The following TSPAN1 variants were observed in gnomAD, a reference collection of about 807,000 sequenced individuals.
TSPAN1 encodes the protein tetraspanin 1.
In TSPAN1, 23 loss-of-function variants were observed where a neutral mutation model predicts 26.9. The observed-to-expected ratio is 0.85, with a 90% confidence interval of 0.62 to 1.21. The LOEUF is 1.21. TSPAN1 is among the 50% of genes most tolerant of loss of function. The probability of loss-of-function intolerance (pLI) is 0.00; values close to 1 mark genes in which losing one functional copy is unlikely to be tolerated. For missense variants in TSPAN1, 283 were observed against 298.4 expected (o/e 0.95, Z 0.38); for synonymous variants, 115 against 114.8 (o/e 1.00, Z -0.01).
At chr1:46,190,484 G>C, downstream of TSPAN1, 1 of 1,605,296 alleles carries the variant, frequency 6.2e-7, no homozygotes, top group East Asian at 2.2e-5. Context: ...TGAGCAGCCT[G>C]TGAACTTCCA....
the TSPAN1 span, chr1:46,195,918 C>T: frequency 1.1e-5 from 17 of 1,614,034 alleles, no homozygotes; most frequent in South Asian, 6.6e-5. Context: ...TTTGCCATCA[C>T]GTGGCCCTGG....
downstream of TSPAN1, chr1:46,189,413 T>A: frequency 2.5e-6 from 4 of 1,613,764 alleles, no homozygotes; most frequent in Non-Finnish European, 3.4e-6. Context: ...TATCCCTGGA[T>A]CTCACTAGGC....
At chr1:46,194,329 T>C in the TSPAN1 span, 5 of 1,614,052 alleles carry the variant, frequency 3.1e-6, no homozygotes, top group Non-Finnish European at 3.4e-6. Flanking sequence ...TACACTTCCA[T>C]AGCCCTCAAC....
At chr1:46,188,847 C>G (rs1657517279), downstream of TSPAN1, 2 of 1,612,774 alleles carry the variant, frequency 1.2e-6, no homozygotes, top group Middle Eastern at 3.3e-4. Flanking sequence ...TTGGGCACAG[C>G]AGTTTCCTGA....
intron 2 of TSPAN1, 34 bp from the exon 3 acceptor site, chr1:46,181,066 A>C: frequency 6.2e-7 from 1 of 1,606,298 alleles, no homozygotes; most frequent in Non-Finnish European, 8.5e-7. Flanking sequence ...CCCAGGGGAA[A>C]CAAGGCCCTA....
In TSPAN1 at chr1:46,185,638, T is replaced by C; in HGVS notation, c.*105T>C. On this transcript the variant is annotated 3_prime_UTR_variant, in exon 9 of 9. Coordinates refer to ENST00000372003, the MANE Select transcript of TSPAN1 (RefSeq NM_005727.4). ...AGGGGACAGGATCTAACAATGTCACTTGGGCCAGAATGGACCTGCCCTTTC... is the reference window on the plus strand; with the variant it reads ...AGGGGACAGGATCTAACAATGTCACCTGGGCCAGAATGGACCTGCCCTTTC... 12 of 1,356,312 alleles carry C rather than the reference T, an allele frequency of 8.8e-6. No homozygotes were observed. Among genetic ancestry groups the C allele is most frequent in the Non-Finnish European group, 1.2e-5 (12 of 963,254 alleles). The allele number at this position is 1,356,312 out of a possible 1,614,324, so 84.0% of individuals were successfully genotyped here. A position where few individuals can be genotyped will look rare whatever the true frequency, so the allele number is the denominator to read the frequency against.
At chr1:46,189,347 GCTT>G (rs1657558473), downstream of TSPAN1, 1 of 1,613,756 alleles carries the variant, frequency 6.2e-7, no homozygotes, top group Non-Finnish European at 8.5e-7. Flanking sequence ...ACTGAGGGTG[GCTT>G]CTTCACTCTG....
chr1:46,195,764 G>T, the TSPAN1 span: 1 of 1,512,424 alleles, frequency 6.6e-7, no homozygotes, highest in Non-Finnish European at 9.0e-7. Context: ...CTAGAAGCAG[G>T]GTTGGAGCTA....
At chr1:46,183,922 G>C (rs957136015) in intron 3 of TSPAN1, 2 of 530,624 alleles carry the variant, frequency 3.8e-6, no homozygotes, top group Admixed American at 3.1e-5. Flanking sequence ...GTGAGGGAAA[G>C]TCTTGCCCCT....
At chr1:46,179,975 GTGTGTGTGTGTGTT>G (rs1317639478) in intron 1 of TSPAN1, among the ~76,000 whole-genome samples, 3 of 152,066 alleles carry the variant, frequency 2.0e-5, no homozygotes, top group South Asian at 2.1e-4. Context: ...GTGTGTGTGT[GTGTGTGTGTGTGTT>G]TGTGTGTGTG....
chr1:46,182,794 T>TTTG (rs113298952), intron 3 of TSPAN1, among the ~76,000 whole-genome samples: 1,901 of 150,944 alleles, frequency 0.013, 31 homozygotes, highest in East Asian at 0.047. Flanking sequence ...AACTTGTGTT[T>TTTG]TTGTTGTTGT....
In TSPAN1 at chr1:46,185,759, C is replaced by A; in HGVS notation, c.*226C>A. 1 of 601,452 alleles carries A rather than the reference C, an allele frequency of 1.7e-6. No individual in the cohort carries two copies. The highest frequency in any genetic ancestry group is 2.9e-5 in the Admixed American group (1 of 33,916). The allele number at this position is 601,452 out of a possible 1,614,324, so 37.3% of individuals were successfully genotyped here. On this transcript the variant is annotated 3_prime_UTR_variant, in exon 9 of 9. Coordinates refer to ENST00000372003, the MANE Select transcript of TSPAN1 (RefSeq NM_005727.4). ...TGGATGGGTGGGGGGCATTCCAGAG[C>A]CTCTAAGGTAGCCAGTTCTGTTGCC...
the TSPAN1 span, chr1:46,192,474 G>A: frequency 1.9e-6 from 3 of 1,614,106 alleles, no homozygotes; most frequent in Admixed American, 5.0e-5. Flanking sequence ...TATTAGCTGA[G>A]GCCTCATAAA....
In TSPAN1 at chr1:46,182,304, C is replaced by CAAAAA. The variant is rs71062743; in HGVS notation, c.57+1149_57+1153dup. Among the ~76,000 whole-genome samples, 40 of 30,166 alleles carry CAAAAA rather than the reference C, an allele frequency of 1.3e-3. 16 individuals are homozygous for CAAAAA. Among genetic ancestry groups the CAAAAA allele is most frequent in the Admixed American group, 1.6e-3 (2 of 1,248 alleles). 19.8% of individuals were successfully genotyped at this position (30,166 alleles called of 152,430 possible). A position where few individuals can be genotyped will look rare whatever the true frequency, so the allele number is the denominator to read the frequency against. On this transcript the variant is annotated intron_variant, in intron 3 of 8. Coordinates refer to ENST00000372003, the MANE Select transcript of TSPAN1 (RefSeq NM_005727.4). Reference sequence around the variant, plus strand: ...GGAAACCCAATTTATTAGGGATAAGCAAAAAAAAAAAAAGCCACTGTGAAG... The same window carrying CAAAAA: ...GGAAACCCAATTTATTAGGGATAAGCAAAAAAAAAAAAAAAAAAGCCACTGTGAAG...
chr1:46,175,903 A>T (rs550041105), intron 1 of TSPAN1: 35 of 422,636 alleles, frequency 8.3e-5, no homozygotes, highest in South Asian at 4.7e-5. Flanking sequence ...GACAGAGTCT[A>T]GCTCTGTCAC....
the TSPAN1 span, chr1:46,193,175 G>A: frequency 6.2e-6 from 10 of 1,614,020 alleles, no homozygotes; most frequent in Admixed American, 1.7e-5. Flanking sequence ...AGTACTCACC[G>A]GAAACAGGTT....
downstream of TSPAN1, chr1:46,189,746 AGAG>A: frequency 7.0e-6 from 11 of 1,570,974 alleles, no homozygotes; most frequent in Non-Finnish European, 7.8e-6. Context: ...AAGAGTATAA[AGAG>A]GAGGTTCTGA....
At chr1:46,189,038 C>A (rs1364331772), downstream of TSPAN1, 3 of 1,563,170 alleles carry the variant, frequency 1.9e-6, no homozygotes, top group African/African-American at 1.4e-5. Flanking sequence ...TAATGATTCC[C>A]AGGTACTCTC....
the TSPAN1 span, chr1:46,196,196 A>G: frequency 6.4e-7 from 1 of 1,561,292 alleles, no homozygotes; most frequent in East Asian, 2.4e-5. The surrounding 1 kb of genome is among the most constrained non-coding windows in gnomAD (Gnocchi z 4.4). Context: ...GTTTCTGTTC[A>G]CACAGTTCTT....
Sources: gnomAD v4.1 joint callset for allele counts (sites outside exome capture counted in the v4.1 genomes callset) on GRCh38, gnomAD v4.1.1 for gene constraint, Gnocchi (gnomAD v3.1) non-coding constraint, MANE v1.5 for transcripts, NCBI Gene and HGNC (gene_info 2026-07-23, HGNC 2026-07-21) for gene names.